The following STPG2 variants were observed in gnomAD, a reference collection of about 807,000 sequenced individuals.
STPG2 encodes the protein sperm-tail PG-rich repeat-containing protein 2.
In STPG2, 56 loss-of-function variants were observed where a neutral mutation model predicts 54.2. The ratio of observed to expected loss-of-function variants is 1.03; its 90% CI spans 0.83 to 1.29. STPG2 has a LOEUF of 1.29. STPG2 is among the 50% of genes most tolerant of loss of function. STPG2 has a pLI of 0.00. For missense variants in STPG2, 596 were observed against 544.9 expected (o/e 1.09, Z -0.93); for synonymous variants, 200 against 181.8 (o/e 1.10, Z -0.81).
intron 10 of STPG2, among the ~76,000 whole-genome samples, chr4:97,561,972 G>C (rs1337039831): frequency 6.6e-6 from 1 of 152,100 alleles, no homozygotes; most frequent in Non-Finnish European, 1.5e-5. Context: ...TTCCAATTCT[G>C]TGAAGAAAGT....
At chr4:97,767,444 T>C (rs1264212851) in intron 9 of STPG2, among the ~76,000 whole-genome samples, 2 of 152,204 alleles carry the variant, frequency 1.3e-5, no homozygotes, top group African/African-American at 4.8e-5. Context: ...CTCTGACAAT[T>C]AAACATGGTG....
intron 9 of STPG2, among the ~76,000 whole-genome samples, chr4:97,739,508 G>A (rs1447770532): frequency 7.9e-5 from 12 of 151,996 alleles, no homozygotes; most frequent in African/African-American, 2.4e-4. Flanking sequence ...TCAAATAGAC[G>A]CAATAAAAAA....
chr4:97,871,944 A>G (rs902822272), intron 8 of STPG2, among the ~76,000 whole-genome samples: 3 of 151,116 alleles, frequency 2.0e-5, no homozygotes, highest in African/African-American at 7.3e-5. Context: ...ATAATAAACC[A>G]TGAACAAATG....
chr4:97,451,220 A>G (rs539384106), intron 4 of STPG2, among the ~76,000 whole-genome samples: 1 of 152,328 alleles, frequency 6.6e-6, no homozygotes, highest in South Asian at 2.1e-4. Context: ...AGGAAAGCCA[A>G]GAGAAGTGAA....
At chr4:98,021,871 T>C (rs1736215083) in intron 5 of STPG2, among the ~76,000 whole-genome samples, 1 of 152,032 alleles carries the variant, frequency 6.6e-6, no homozygotes, top group Non-Finnish European at 1.5e-5. Flanking sequence ...ATTTGCTTGG[T>C]AGATCTTCCT....
chr4:97,718,108 G>C (rs1321443103), intron 9 of STPG2, among the ~76,000 whole-genome samples: 1 of 151,988 alleles, frequency 6.6e-6, no homozygotes, highest in African/African-American at 2.4e-5. Flanking sequence ...TATTTAGCAA[G>C]GCATTCCCTC....
chr4:97,589,677 A>C (rs56880249), intron 10 of STPG2, among the ~76,000 whole-genome samples: 20,198 of 152,128 alleles, frequency 0.13, 4,138 homozygotes, highest in African/African-American at 0.44. Context: ...AATATACAGT[A>C]ATGTGCCACG....
At chr4:97,913,049 C>A (rs550870750) in intron 8 of STPG2, among the ~76,000 whole-genome samples, 21 of 152,128 alleles carry the variant, frequency 1.4e-4, no homozygotes, top group Non-Finnish European at 2.8e-4. Flanking sequence ...TCCAAGAATG[C>A]TAACAACATA....
At chr4:97,988,429 A>T (rs922405027) in intron 5 of STPG2, among the ~76,000 whole-genome samples, 2 of 152,168 alleles carry the variant, frequency 1.3e-5, no homozygotes, top group Admixed American at 6.6e-5. Context: ...GCTCACTGCT[A>T]TATCTCTAGA....
chr4:98,108,268 C>T (rs879513344), intron 4 of STPG2, among the ~76,000 whole-genome samples: 3 of 152,028 alleles, frequency 2.0e-5, no homozygotes, highest in Non-Finnish European at 2.9e-5. Flanking sequence ...CGTAATCACT[C>T]TGGGGCTTCT....
At chr4:98,020,732 C>T (rs897576158) in intron 5 of STPG2, among the ~76,000 whole-genome samples, 10 of 152,162 alleles carry the variant, frequency 6.6e-5, no homozygotes, top group African/African-American at 1.9e-4. Flanking sequence ...CAACTTCTTC[C>T]TGGTTTAGTC....
At chr4:97,703,471 GTAGTATA>G (rs1418408859) in intron 10 of STPG2, among the ~76,000 whole-genome samples, 1 of 138,652 alleles carries the variant, frequency 7.2e-6, no homozygotes, top group Admixed American at 7.7e-5. Context: ...TATATATATA[GTAGTATA>G]TAGTATATAT....
intron 4 of STPG2, among the ~76,000 whole-genome samples, chr4:97,552,045 A>G (rs985620273): frequency 1.3e-5 from 2 of 152,200 alleles, no homozygotes; most frequent in African/African-American, 4.8e-5. Flanking sequence ...TACAAGTCCT[A>G]TTAGGGCCAA....
At chr4:97,567,266 A>G (rs1204426110) in intron 10 of STPG2, among the ~76,000 whole-genome samples, 1 of 151,272 alleles carries the variant, frequency 6.6e-6, no homozygotes, top group Non-Finnish European at 1.5e-5. Context: ...CTGTACTGAG[A>G]AACTATTTCT....
chr4:97,442,513 T>C (rs768730837), intron 4 of STPG2, among the ~76,000 whole-genome samples: 1 of 152,120 alleles, frequency 6.6e-6, no homozygotes, highest in Non-Finnish European at 1.5e-5. Context: ...AATGCAACTC[T>C]GGTAGCTTTT....
At position 98,084,712 on chromosome 4, in the gene STPG2, G is replaced by A. The variant is rs576917710; in HGVS notation, c.612+21241C>T. On this transcript the variant is annotated intron_variant, in intron 5 of 10. Coordinates refer to ENST00000295268, the MANE Select transcript of STPG2 (RefSeq NM_174952.3). ...TGTTTGCATGTTCCTAATGACAAAC[G>A]GTTTAGAGCAACTTTTGTTGTGCTT... 7.0e-4 allele frequency among the ~76,000 whole-genome samples: 107 copies of A among 152,198 alleles called. 3 individuals carry two copies. The South Asian group carries it at 0.02, about 28-fold the overall frequency.
At chr4:97,990,160 A>C (rs553759929) in intron 5 of STPG2, among the ~76,000 whole-genome samples, 1 of 152,224 alleles carries the variant, frequency 6.6e-6, no homozygotes, top group Non-Finnish European at 1.5e-5. Flanking sequence ...AAATGGACAA[A>C]TGAAATCTTG....
chr4:97,614,132 AATTC>A (rs1427814014), intron 10 of STPG2, among the ~76,000 whole-genome samples: 1 of 152,086 alleles, frequency 6.6e-6, no homozygotes, highest in Non-Finnish European at 1.5e-5. Flanking sequence ...AAAAATATAA[AATTC>A]ATTTATTAAT....
At chr4:97,919,275 G>T (rs1328174219) in intron 8 of STPG2, among the ~76,000 whole-genome samples, 1 of 150,968 alleles carries the variant, frequency 6.6e-6, no homozygotes, top group Non-Finnish European at 1.5e-5. Context: ...TCAATTTAGG[G>T]TTCATTTTAA....
Sources: allele counts gnomAD v4.1 joint callset (sites outside exome capture counted in the v4.1 genomes callset), GRCh38; gene constraint gnomAD v4.1.1; transcripts MANE v1.5; gene names NCBI Gene and HGNC (gene_info 2026-07-23, HGNC 2026-07-21).